The following TGFB1 variants were observed in gnomAD, a reference collection of about 807,000 sequenced individuals.
The protein encoded by TGFB1 is transforming growth factor beta-1 proprotein.
TGFB1 carries 19 observed loss-of-function variants against 43.8 expected under a neutral mutation model. The ratio of observed to expected loss-of-function variants is 0.43; its 90% CI spans 0.30 to 0.64. The LOEUF is 0.64. TGFB1 is among the 30% of genes least tolerant of loss of function. The pLI is 0.11. For missense variants in TGFB1, 445 were observed against 529.8 expected, an observed-to-expected ratio of 0.84 and a Z score of 1.57; for synonymous variants, 221 against 236.3, an observed-to-expected ratio of 0.94 and a Z score of 0.60.
intron 1 of TGFB1, among the ~76,000 whole-genome samples, chr19:41,350,631 A>G (rs1172958755): frequency 6.6e-6 from 1 of 152,118 alleles, no homozygotes; most frequent in African/African-American, 2.4e-5. Flanking sequence ...GTTTAGGAAA[A>G]GTTTGGGGAT....
Position 41,353,218 on chromosome 19 carries a change from G to A in TGFB1, c.-174C>T. 2.6e-6 allele frequency: 2 copies of A among 775,660 alleles called. No homozygotes were observed. Among genetic ancestry groups the A allele is most frequent in the South Asian group, 4.1e-5 (2 of 48,224 alleles). 48.0% of individuals were successfully genotyped at this position (775,660 alleles called of 1,614,324 possible). On this transcript the variant is annotated 5_prime_UTR_variant, in exon 1 of 7. Transcript: ENST00000221930. This position sits in a 1 kb window ranked among gnomAD's most constrained non-coding sequence, Gnocchi z 5.9. ...TGGTGGAGGGGAGGCTTGGACCGGG[G>A]GTGTCTCAGTATCCCACGGAAATAA...
At chr19:41,338,300 C>T (rs1420075910) in intron 5 of TGFB1, among the ~76,000 whole-genome samples, 2 of 151,750 alleles carry the variant, frequency 1.3e-5, no homozygotes, top group Admixed American at 6.6e-5. Context: ...TCAAGACCAG[C>T]CTGGCCAACA....
intron 5 of TGFB1, among the ~76,000 whole-genome samples, chr19:41,340,854 G>T (rs2038047062): frequency 6.6e-6 from 1 of 152,118 alleles, no homozygotes; most frequent in African/African-American, 2.4e-5. Flanking sequence ...CAATGTTTCA[G>T]CTTTCCTTGA....
At chr19:41,332,428 A>G (rs2037944075) in intron 5 of TGFB1, 147 bp from the exon 6 acceptor site, 4 of 810,086 alleles carry the variant, frequency 4.9e-6, no homozygotes, top group Non-Finnish European at 7.8e-6. Context: ...CTGTGTTAAT[A>G]ACAACACAAA....
At chr19:41,348,180 C>T (rs2038138927) in intron 2 of TGFB1, 115 bp downstream of exon 2, 2 of 1,194,944 alleles carry the variant, frequency 1.7e-6, no homozygotes, top group East Asian at 4.8e-5. Flanking sequence ...GTTCTTCTAT[C>T]CTTCAGGGAC....
chr19:41,332,328 T>C, intron 5 of TGFB1, 47 bp from the exon 6 acceptor site: 2 of 1,589,822 alleles, frequency 1.3e-6, no homozygotes, highest in Non-Finnish European at 1.7e-6. Context: ...GCTACCACCA[T>C]AGAAGCCACA....
chr19:41,338,803 C>T (rs1279729044), intron 5 of TGFB1, among the ~76,000 whole-genome samples: 1 of 150,920 alleles, frequency 6.6e-6, no homozygotes, highest in African/African-American at 2.4e-5. Flanking sequence ...CGCACCACTG[C>T]ACTCCAGCCT....
intron 1 of TGFB1, among the ~76,000 whole-genome samples, chr19:41,348,932 T>C (rs990970592): frequency 1.3e-5 from 2 of 152,110 alleles, no homozygotes; most frequent in Non-Finnish European, 2.9e-5. Context: ...CTGACTGTGA[T>C]ACTTTTTAGC....
intron 5 of TGFB1, among the ~76,000 whole-genome samples, chr19:41,338,694 C>G (rs1193052687): frequency 6.6e-6 from 1 of 151,670 alleles, no homozygotes; most frequent in East Asian, 1.9e-4. Context: ...AAAAAATTAG[C>G]TGGGCGTGGC....
chr19:41,342,617 C>T (rs1444475509), intron 3 of TGFB1, among the ~76,000 whole-genome samples: 2 of 151,400 alleles, frequency 1.3e-5, no homozygotes, highest in Non-Finnish European at 2.9e-5. Flanking sequence ...CAGGTTCAAA[C>T]GATTCTCCTG....
chr19:41,335,200 G>A (rs986925528), intron 5 of TGFB1, among the ~76,000 whole-genome samples: 2 of 151,958 alleles, frequency 1.3e-5, no homozygotes, highest in Non-Finnish European at 2.9e-5. Context: ...TTACAGGCAT[G>A]TGCCACCATG....
chr19:41,330,952 G>A lies in TGFB1; in HGVS notation c.*100C>T. 8.5e-7 allele frequency: 1 copy of A among 1,182,426 alleles called. No individual in the cohort carries two copies. The highest frequency in any genetic ancestry group is 1.1e-6 in the Non-Finnish European group (1 of 884,882). The allele number at this position is 1,182,426 out of a possible 1,614,324, so 73.2% of individuals were successfully genotyped here. ...TTTAATGGGGCCCCAGGTGGGCTTG[G>A]GGCACGGGTGTCCTTAAATACAGCC... On this transcript the variant is annotated 3_prime_UTR_variant, in exon 7 of 7. Coordinates refer to ENST00000221930, the MANE Select transcript of TGFB1 (RefSeq NM_000660.7).
intron 5 of TGFB1, among the ~76,000 whole-genome samples, chr19:41,338,969 C>CGTGTGT (rs71179696): frequency 0.054 from 8,044 of 150,204 alleles, 284 homozygotes; most frequent in East Asian, 0.12. Context: ...ATGGGGGGTA[C>CGTGTGT]GTGTGTGTGT....
At chr19:41,335,201 T>C (rs1238946395) in intron 5 of TGFB1, among the ~76,000 whole-genome samples, 1 of 151,966 alleles carries the variant, frequency 6.6e-6, no homozygotes, top group African/African-American at 2.4e-5. Flanking sequence ...TACAGGCATG[T>C]GCCACCATGC....
Position 41,344,817 on chromosome 19 carries a change from T to C in TGFB1, c.564A>G (p.Ala188=). The change falls in exon 3 of 7, where the codon GCA becomes GCG. Residue 188 remains alanine, a synonymous_variant. Transcript: ENST00000221930. The part of the protein sequence containing the change: ...SWRYLSNRLL[A]PSDSPEWLSF... Reference sequence around the variant, plus strand: ...ATAACCACTCTGGCGAGTCGCTGGGTGCCAGCAGCCGGTTGCTGAGGTATC... The same window carrying C: ...ATAACCACTCTGGCGAGTCGCTGGGCGCCAGCAGCCGGTTGCTGAGGTATC... 6.2e-7 allele frequency: 1 copy of C among 1,611,390 alleles called. No individual in the cohort carries two copies. Among genetic ancestry groups the C allele is most frequent in the Non-Finnish European group, 8.5e-7 (1 of 1,178,830 alleles).
In TGFB1 at chr19:41,353,849, G is replaced by A. The variant is rs1306388962; in HGVS notation, c.-805C>T. On this transcript the variant is annotated 5_prime_UTR_variant, in exon 1 of 7. Coordinates refer to ENST00000221930, the MANE Select transcript of TGFB1 (RefSeq NM_000660.7). The surrounding 1 kb of genome is among the most constrained non-coding windows in gnomAD (Gnocchi z 5.9). ...GGGCGTCCCCCCTGCCCCCGGCCGGGGCCCTCGCTGTCTGGCTGCTCCGCG... is the reference window on the plus strand; with the variant it reads ...GGGCGTCCCCCCTGCCCCCGGCCGGAGCCCTCGCTGTCTGGCTGCTCCGCG... The A allele has an allele frequency of 6.3e-6, 1 of 157,794 alleles. No individual in the cohort carries two copies. Among genetic ancestry groups the A allele is most frequent in the African/African-American group, 2.4e-5 (1 of 41,460 alleles). The allele number at this position is 157,794 out of a possible 1,614,324, so 9.8% of individuals were successfully genotyped here.
At chr19:41,342,301 T>C in intron 3 of TGFB1, 54 bp from the exon 4 acceptor site, 1 of 1,541,786 alleles carries the variant, frequency 6.5e-7, no homozygotes, top group East Asian at 2.5e-5. Flanking sequence ...ACCCAGCCCC[T>C]GGAGGAAGAG....
intron 2 of TGFB1, among the ~76,000 whole-genome samples, chr19:41,347,436 A>C (rs1269208328): frequency 6.6e-6 from 1 of 152,152 alleles, no homozygotes; most frequent in Non-Finnish European, 1.5e-5. Flanking sequence ...CAGAGATTCC[A>C]ACTTTCAAGA....
rs144631395 is a variant in TGFB1, at chr19:41,345,263, A to G, written c.517-399T>C. ...TGTAATCCCAGCACTTTGGGAGCCC[A>G]AGGTGGGTGGATCACTTGAGGTCAG... On this transcript the variant is annotated intron_variant, in intron 2 of 6. Transcript: ENST00000221930. 6.1e-3 allele frequency among the ~76,000 whole-genome samples: 924 copies of G among 151,582 alleles called. 12 individuals are homozygous for G. Among genetic ancestry groups the G allele is most frequent in the African/African-American group, 0.021 (872 of 41,342 alleles).
Sources: allele counts gnomAD v4.1 joint callset (sites outside exome capture counted in the v4.1 genomes callset), GRCh38; gene constraint gnomAD v4.1.1; non-coding constraint Gnocchi (gnomAD v3.1); transcripts MANE v1.5; gene names NCBI Gene and HGNC (gene_info 2026-07-23, HGNC 2026-07-21).